DDI2: variants seen among roughly 807,000 people sequenced by gnomAD.
The protein encoded by DDI2 is protein DDI1 homolog 2.
DDI2 carries 5 observed loss-of-function variants against 48.1 expected under a neutral mutation model. The observed-to-expected ratio is 0.10, with a 90% CI of 0.05 to 0.22. DDI2 has a LOEUF of 0.22. DDI2 is among the 10% of genes least tolerant of loss of function. The probability of loss-of-function intolerance (pLI) is 1.00; values close to 1 mark genes in which losing one functional copy is unlikely to be tolerated. For synonymous variants in DDI2, 205 were observed against 183.6 expected (o/e 1.12, Z -0.94); for missense variants, 285 against 506.2 (o/e 0.56, Z 4.19).
chr1:15,628,316 T>A (rs1639789746), intron 2 of DDI2, among the ~76,000 whole-genome samples: 1 of 152,206 alleles, frequency 6.6e-6, no homozygotes, highest in Non-Finnish European at 1.5e-5. Flanking sequence ...ATTTCCTTGG[T>A]TGGGAGTTGA....
At chr1:15,630,775 C>G (rs1215505750) in intron 3 of DDI2, among the ~76,000 whole-genome samples, 2 of 152,142 alleles carry the variant, frequency 1.3e-5, no homozygotes, top group Non-Finnish European at 2.9e-5. Context: ...TAGGCCACCC[C>G]CCTTGGTTTA....
chr1:15,626,325 A>G (rs958146367), intron 1 of DDI2, among the ~76,000 whole-genome samples: 1 of 152,230 alleles, frequency 6.6e-6, no homozygotes, highest in African/African-American at 2.4e-5. Flanking sequence ...GAAGAACTCT[A>G]AAGAGTAATG....
At chr1:15,618,101 C>T (rs989845379) in intron 1 of DDI2, among the ~76,000 whole-genome samples, 2 of 152,202 alleles carry the variant, frequency 1.3e-5, no homozygotes, top group African/African-American at 4.8e-5. Flanking sequence ...ACCCTCCCCA[C>T]CTTTGGCTCT....
rs1230061201 is a variant in DDI2, at chr1:15,667,945, G to A, written c.*8155G>A. 6.6e-6 allele frequency: 1 copy of A among 152,168 alleles called. No homozygotes were observed. The highest frequency in any genetic ancestry group is 1.5e-5 in the Non-Finnish European group (1 of 68,040). The allele number at this position is 152,168 out of a possible 1,614,324, so 9.4% of individuals were successfully genotyped here. A position where few individuals can be genotyped will look rare whatever the true frequency, so the allele number is the denominator to read the frequency against. On this transcript the variant is annotated 3_prime_UTR_variant, in exon 10 of 10. Transcript: ENST00000480945. Reference sequence around the variant, plus strand: ...CCAAGAAAATGGTTCAAGGGCATGGGGGTTAGAGAATGTTTCTTTTACCTA... The same window carrying A: ...CCAAGAAAATGGTTCAAGGGCATGGAGGTTAGAGAATGTTTCTTTTACCTA...
At chr1:15,631,455 A>G (rs923499982) in intron 3 of DDI2, among the ~76,000 whole-genome samples, 2 of 152,336 alleles carry the variant, frequency 1.3e-5, no homozygotes, top group South Asian at 4.1e-4. Flanking sequence ...TTCTCTGTAA[A>G]TTACTCTCAT....
chr1:15,651,982 C>G, intron 8 of DDI2, 87 bp downstream of exon 8: 1 of 1,357,426 alleles, frequency 7.4e-7, no homozygotes, highest in South Asian at 1.8e-5. Flanking sequence ...GGAACCTTTC[C>G]AGTTTTTAAT....
rs1419760615 is a variant in DDI2 at position 15,659,853 on chromosome 1, A to G, written c.*63A>G. ...TCCATATAGAGAAAAGTGGTAAAGAATCTACCTCACTGGGAATGTCATCAT... is the reference window on the plus strand; with the variant it reads ...TCCATATAGAGAAAAGTGGTAAAGAGTCTACCTCACTGGGAATGTCATCAT... On this transcript the variant is annotated 3_prime_UTR_variant, in exon 10 of 10. Coordinates refer to ENST00000480945, the MANE Select transcript of DDI2 (RefSeq NM_032341.5). 6.5e-6 allele frequency: 10 copies of G among 1,545,648 alleles called. No individual in the cohort carries two copies. Among genetic ancestry groups the G allele is most frequent in the Non-Finnish European group, 8.7e-6 (10 of 1,151,528 alleles).
chr1:15,633,060 C>T (rs796561555), intron 3 of DDI2, among the ~76,000 whole-genome samples: 29 of 151,672 alleles, frequency 1.9e-4, no homozygotes, highest in African/African-American at 6.8e-4. Context: ...CCAACAGTAG[C>T]TGGGACTACA....
chr1:15,633,193 T>G (rs1269122122), intron 3 of DDI2, among the ~76,000 whole-genome samples: 1 of 152,050 alleles, frequency 6.6e-6, no homozygotes, highest in African/African-American at 2.4e-5. Flanking sequence ...CCTCCCAAAG[T>G]GTCGAGATTA....
intron 6 of DDI2, among the ~76,000 whole-genome samples, chr1:15,648,675 T>A (rs1640128098): frequency 6.6e-6 from 1 of 152,088 alleles, no homozygotes; most frequent in Non-Finnish European, 1.5e-5. Flanking sequence ...GAAATGTTGC[T>A]GGGACAAGAG....
At chr1:15,617,869 ACTCC>A in intron 1 of DDI2, 61 bp downstream of exon 1, 3 of 1,452,182 alleles carry the variant, frequency 2.1e-6, no homozygotes, top group Admixed American at 4.4e-5. Context: ...TCGGGGCCTC[ACTCC>A]CTCCCTTTGC....
At chr1:15,656,972 G>C (rs1570991673) in intron 9 of DDI2, 1 of 256,304 alleles carries the variant, frequency 3.9e-6, no homozygotes, top group East Asian at 9.0e-5. Flanking sequence ...ATCACATCAA[G>C]AATATTGGCC....
At chr1:15,643,397 G>A in intron 5 of DDI2, 125 bp from the exon 6 acceptor site, 1 of 1,390,674 alleles carries the variant, frequency 7.2e-7, no homozygotes, top group Non-Finnish European at 9.6e-7. Flanking sequence ...GTAGAAATGA[G>A]TTTATAGAGA....
intron 8 of DDI2, among the ~76,000 whole-genome samples, chr1:15,653,063 C>T (rs1203898969): frequency 1.3e-5 from 2 of 151,872 alleles, no homozygotes; most frequent in East Asian, 1.9e-4. Context: ...CAGCTCAGTC[C>T]ATTGCTGTGT....
intron 9 of DDI2, among the ~76,000 whole-genome samples, chr1:15,657,952 G>A (rs1640295730): frequency 1.3e-5 from 2 of 152,062 alleles, no homozygotes; most frequent in Admixed American, 1.3e-4. Context: ...ACAATGCTTT[G>A]TCTTCTCATG....
chr1:15,630,647 C>G (rs1341866748), intron 3 of DDI2, 86 bp downstream of exon 3: 2 of 903,622 alleles, frequency 2.2e-6, no homozygotes, highest in Admixed American at 3.7e-5. Context: ...TCAAGCGACA[C>G]TGTGTCACAT....
intron 7 of DDI2, among the ~76,000 whole-genome samples, chr1:15,651,016 G>A (rs922158263): frequency 3.3e-5 from 5 of 151,960 alleles, no homozygotes; most frequent in Non-Finnish European, 7.4e-5. Flanking sequence ...CACCACGCCC[G>A]GCTAATTTTT....
Position 15,663,080 on chromosome 1 carries a change from G to C in DDI2, c.*3290G>C, listed in dbSNP as rs926710080. ...TTCTTTCCTGGCAAACTGCTCTTTT[G>C]GGTACCTAGCAGGAATCTGAAGTCT... On this transcript the variant is annotated 3_prime_UTR_variant, in exon 10 of 10. Coordinates refer to ENST00000480945, the MANE Select transcript of DDI2 (RefSeq NM_032341.5). 1.3e-5 allele frequency: 2 copies of C among 152,080 alleles called. No individual in the cohort carries two copies. The highest frequency in any genetic ancestry group is 2.4e-5 in the African/African-American group (1 of 41,424). The allele number at this position is 152,080 out of a possible 1,614,324, so 9.4% of individuals were successfully genotyped here. A position where few individuals can be genotyped will look rare whatever the true frequency, so the allele number is the denominator to read the frequency against.
chr1:15,645,290 T>C (rs767931475), intron 6 of DDI2, among the ~76,000 whole-genome samples: 8 of 152,012 alleles, frequency 5.3e-5, no homozygotes, highest in South Asian at 2.1e-4. Context: ...TCATATACTG[T>C]GCTAGGTACT....
Sources: gnomAD v4.1 joint callset for allele counts (sites outside exome capture counted in the v4.1 genomes callset) on GRCh38, gnomAD v4.1.1 for gene constraint, MANE v1.5 for transcripts, NCBI Gene and HGNC (gene_info 2026-07-23, HGNC 2026-07-21) for gene names.